Variants in FRMD4A observed in about 807,000 individuals in gnomAD.
FRMD4A encodes the protein FERM domain-containing protein 4A.
Under a neutral mutation model 129.1 loss-of-function variants are expected in FRMD4A, and 29 were observed. That is an observed-to-expected ratio of 0.22 (90% CI 0.17 to 0.31). FRMD4A has a LOEUF of 0.31. FRMD4A is among the 10% of genes least tolerant of loss of function. FRMD4A has a pLI of 1.00. For synonymous variants in FRMD4A, 634 were observed against 571.6 expected, an observed-to-expected ratio of 1.11 and a Z score of -1.56; for missense variants, 1,272 against 1,375.8, an observed-to-expected ratio of 0.92 and a Z score of 1.19.
chr10:14,300,341 C>T (rs779984354), intron 2 of FRMD4A, among the ~76,000 whole-genome samples: 1 of 152,142 alleles, frequency 6.6e-6, no homozygotes, highest in Non-Finnish European at 1.5e-5. Context: ...ATGCCCTGCA[C>T]CAAGCTTAGA....
At chr10:14,079,468 T>G (rs1372399669) in intron 2 of FRMD4A, among the ~76,000 whole-genome samples, 1 of 152,236 alleles carries the variant, frequency 6.6e-6, no homozygotes, top group Non-Finnish European at 1.5e-5. Context: ...TGTTTTCTAA[T>G]ATTTTCATTA....
chr10:13,827,923 G>A (rs980900325), intron 3 of FRMD4A, among the ~76,000 whole-genome samples: 1 of 152,160 alleles, frequency 6.6e-6, no homozygotes. Context: ...AGCCCCTTGG[G>A]CTCGAAGCCC....
chr10:13,839,793 C>T (rs1173757976), intron 3 of FRMD4A, among the ~76,000 whole-genome samples: 1 of 152,178 alleles, frequency 6.6e-6, no homozygotes, highest in Non-Finnish European at 1.5e-5. Flanking sequence ...CTCCTAACAC[C>T]AGAGTGATGA....
intron 2 of FRMD4A, among the ~76,000 whole-genome samples, chr10:14,238,754 A>T (rs567228077): frequency 6.6e-6 from 1 of 151,718 alleles, no homozygotes; most frequent in African/African-American, 2.4e-5. Flanking sequence ...TCACTGTTCA[A>T]CTCTCATTTA....
At chr10:14,281,512 T>G (rs910330667) in intron 2 of FRMD4A, among the ~76,000 whole-genome samples, 1 of 152,248 alleles carries the variant, frequency 6.6e-6, no homozygotes, top group African/African-American at 2.4e-5. Flanking sequence ...TCCTATTGTT[T>G]AAGCCTGCCA....
chr10:13,838,700 C>T (rs186245652), intron 3 of FRMD4A, among the ~76,000 whole-genome samples: 1,731 of 152,216 alleles, frequency 0.011, 23 homozygotes, highest in Admixed American at 0.031. Flanking sequence ...ACCATGTTGG[C>T]CAGGCTAGCC....
chr10:13,927,946 A>G (rs2095151651), intron 2 of FRMD4A, among the ~76,000 whole-genome samples: 1 of 152,162 alleles, frequency 6.6e-6, no homozygotes, highest in African/African-American at 2.4e-5. Context: ...ATTTAAAATT[A>G]TAGCTCAATG....
At chr10:14,070,408 C>G (rs561030421) in intron 2 of FRMD4A, among the ~76,000 whole-genome samples, 101 of 152,340 alleles carry the variant, frequency 6.6e-4, no homozygotes, top group African/African-American at 2.4e-3. Flanking sequence ...GTCTCCCTCC[C>G]CTCCCCAATA....
At chr10:13,827,682 C>A (rs2093723312) in intron 3 of FRMD4A, among the ~76,000 whole-genome samples, 1 of 152,116 alleles carries the variant, frequency 6.6e-6, no homozygotes, top group African/African-American at 2.4e-5. Context: ...ATGAGCTGAG[C>A]CAAGGGCCCT....
At chr10:13,857,301 T>C (rs1483803441) in intron 3 of FRMD4A, among the ~76,000 whole-genome samples, 1 of 152,130 alleles carries the variant, frequency 6.6e-6, no homozygotes, top group Admixed American at 6.6e-5. Context: ...AGAATGACAA[T>C]TTACAGTATT....
chr10:14,122,173 T>A (rs188832130), intron 2 of FRMD4A, among the ~76,000 whole-genome samples: 40 of 152,288 alleles, frequency 2.6e-4, no homozygotes, highest in African/African-American at 9.1e-4. Flanking sequence ...CTTTGCTTTG[T>A]AAAGGATGTT....
intron 2 of FRMD4A, among the ~76,000 whole-genome samples, chr10:13,959,729 C>T (rs187651485): frequency 5.3e-5 from 8 of 152,216 alleles, no homozygotes; most frequent in South Asian, 2.1e-4. Context: ...AGTTTCTACC[C>T]GGGAGCACTG....
At chr10:13,648,656 T>C (rs999096130) in intron 24 of FRMD4A, 3 of 152,124 alleles carry the variant, frequency 2.0e-5, no homozygotes, top group African/African-American at 2.4e-5. Context: ...GAGCTAGAGA[T>C]GGAAGGAGAC....
At chr10:14,198,244 C>G (rs1414897771) in intron 2 of FRMD4A, among the ~76,000 whole-genome samples, 1 of 152,206 alleles carries the variant, frequency 6.6e-6, no homozygotes, top group Non-Finnish European at 1.5e-5. Flanking sequence ...GGACTGCGTT[C>G]CTTGTGTCAG....
At chr10:14,146,753 T>G (rs778763383) in intron 2 of FRMD4A, among the ~76,000 whole-genome samples, 3 of 152,176 alleles carry the variant, frequency 2.0e-5, no homozygotes, top group Non-Finnish European at 2.9e-5. Context: ...GCTGTCAGCT[T>G]GGGGGACAGG....
At chr10:14,127,926 C>G (rs1244800920) in intron 2 of FRMD4A, among the ~76,000 whole-genome samples, 1 of 4,874 alleles carries the variant, frequency 2.1e-4, no homozygotes, top group Admixed American at 2.1e-3. Flanking sequence ...TTCTTTCTTT[C>G]TTTCTTTCTT....
intron 2 of FRMD4A, among the ~76,000 whole-genome samples, chr10:14,281,879 C>A (rs1186563907): frequency 6.6e-6 from 1 of 152,098 alleles, no homozygotes; most frequent in Non-Finnish European, 1.5e-5. Context: ...ATTAGAGGGA[C>A]CATGTGTGAA....
At chr10:14,023,568 G>A (rs1338016002) in intron 2 of FRMD4A, among the ~76,000 whole-genome samples, 1 of 152,132 alleles carries the variant, frequency 6.6e-6, no homozygotes, top group Non-Finnish European at 1.5e-5. Context: ...CTTACCACCT[G>A]TGTATTTCAC....
intron 2 of FRMD4A, among the ~76,000 whole-genome samples, chr10:14,189,405 C>G (rs1490752028): frequency 6.6e-6 from 1 of 152,090 alleles, no homozygotes; most frequent in Non-Finnish European, 1.5e-5. Flanking sequence ...GAAACCTGGT[C>G]TCTACTAAAA....
Sources: gnomAD v4.1 joint callset for allele counts (sites outside exome capture counted in the v4.1 genomes callset) on GRCh38, gnomAD v4.1.1 for gene constraint, MANE v1.5 for transcripts, NCBI Gene and HGNC (gene_info 2026-07-23, HGNC 2026-07-21) for gene names.